SP4: variants seen among roughly 807,000 people sequenced by gnomAD.
SP4 encodes the protein Sp4 transcription factor.
Under a neutral mutation model 72.8 loss-of-function variants are expected in SP4, and 19 were observed. The ratio of observed to expected loss-of-function variants is 0.26; its 90% confidence interval spans 0.18 to 0.38. The LOEUF (loss-of-function observed/expected upper bound fraction) is 0.38, where lower values mean the gene tolerates loss of function less well. Among genes scored for constraint, SP4 ranks in the 10% least tolerant of loss-of-function variants. The pLI is 1.00. For synonymous variants in SP4, 395 were observed against 333.1 expected (o/e 1.19, Z -2.02); for missense variants, 1,008 against 926.3 (o/e 1.09, Z -1.14).
intron 3 of SP4, among the ~76,000 whole-genome samples, chr7:21,432,381 A>C (rs1385979446): frequency 6.6e-6 from 1 of 152,252 alleles, no homozygotes; most frequent in Non-Finnish European, 1.5e-5. Context: ...GACAGTTTGC[A>C]TTGTCAAAGC....
intron 3 of SP4, among the ~76,000 whole-genome samples, chr7:21,462,048 A>C (rs6974357): frequency 0.15 from 21,084 of 140,492 alleles, 2,664 homozygotes; most frequent in East Asian, 0.56. Flanking sequence ...TTTTTTTTGA[A>C]GACAGGATCT....
chr7:21,491,515 C>G (rs1298614593), intron 5 of SP4, among the ~76,000 whole-genome samples: 1 of 152,082 alleles, frequency 6.6e-6, no homozygotes, highest in Non-Finnish European at 1.5e-5. Flanking sequence ...GAAATAATGG[C>G]TGGGACTTCC....
intron 5 of SP4, among the ~76,000 whole-genome samples, chr7:21,507,837 A>G (rs62441763): frequency 0.024 from 3,678 of 151,950 alleles, 73 homozygotes; most frequent in Non-Finnish European, 0.034. Context: ...TTGCACACCC[A>G]TGGAATCACT....
chr7:21,490,074 T>TA (rs1784932695), intron 5 of SP4, among the ~76,000 whole-genome samples: 1 of 152,258 alleles, frequency 6.6e-6, no homozygotes, highest in Non-Finnish European at 1.5e-5. Flanking sequence ...TTGACTACAC[T>TA]AAAAACTCTG....
Position 21,513,433 on chromosome 7 carries a change from A to G in SP4, c.*2164A>G, listed in dbSNP as rs1011316197. ...TTATTTAATGTACTCTTAACAACTG[A>G]TGTATCTGGCTTTAAAACATCAGAA... On this transcript the variant is annotated 3_prime_UTR_variant, in exon 6 of 6. Coordinates refer to ENST00000222584, the MANE Select transcript of SP4 (RefSeq NM_003112.5). 2 of 152,580 alleles carry G rather than the reference A, an allele frequency of 1.3e-5. No individual in the cohort carries two copies. Among genetic ancestry groups the G allele is most frequent in the African/African-American group, 4.8e-5 (2 of 41,436 alleles). 9.5% of individuals were successfully genotyped at this position (152,580 alleles called of 1,614,324 possible).
At chr7:21,476,136 T>C (rs563492597) in intron 3 of SP4, among the ~76,000 whole-genome samples, 1 of 151,918 alleles carries the variant, frequency 6.6e-6, no homozygotes, top group African/African-American at 2.4e-5. Context: ...TAGCTGGGCA[T>C]GGTGGCACAC....
intron 3 of SP4, among the ~76,000 whole-genome samples, chr7:21,468,237 T>C (rs1784228125): frequency 6.6e-6 from 1 of 152,144 alleles, no homozygotes; most frequent in Non-Finnish European, 1.5e-5. Flanking sequence ...TATTCTACTA[T>C]TCTGCTTTTT....
chr7:21,449,693 C>A (rs1312499583), intron 3 of SP4, among the ~76,000 whole-genome samples: 1 of 152,126 alleles, frequency 6.6e-6, no homozygotes, highest in Non-Finnish European at 1.5e-5. Context: ...TGGTTCTGCT[C>A]TCTTTGTTTA....
chr7:21,502,218 T>G (rs1281027546), intron 5 of SP4, among the ~76,000 whole-genome samples: 3 of 152,074 alleles, frequency 2.0e-5, no homozygotes, highest in Non-Finnish European at 4.4e-5. Context: ...CGGTAACAAC[T>G]TATCATCCTT....
intron 3 of SP4, among the ~76,000 whole-genome samples, chr7:21,460,807 AGAAT>A (rs1783942809): frequency 6.6e-6 from 1 of 152,190 alleles, no homozygotes; most frequent in Non-Finnish European, 1.5e-5. Context: ...AGCTAGACAC[AGAAT>A]GCTGATTGGT....
intron 3 of SP4, among the ~76,000 whole-genome samples, chr7:21,432,919 G>C (rs1297072493): frequency 1.3e-5 from 2 of 152,122 alleles, no homozygotes; most frequent in African/African-American, 4.8e-5. Context: ...GCTTGTACCC[G>C]GGGGATCCAG....
chr7:21,458,428 C>T lies in SP4; in HGVS notation c.1679-18651C>T, dbSNP rs187329667. ...TGAACTCCTGACCTCAGGTGATCCA[C>T]CTGCCTCGGCCTCCCAAAGTGCTGG... On this transcript the variant is annotated intron_variant, in intron 3 of 5. Transcript: ENST00000222584. 3.3e-3 allele frequency among the ~76,000 whole-genome samples: 503 copies of T among 152,306 alleles called. 2 individuals carry two copies. Among genetic ancestry groups the T allele is most frequent in the Non-Finnish European group, 5.5e-3 (377 of 68,028 alleles).
At chr7:21,459,488 A>G (rs936276613) in intron 3 of SP4, among the ~76,000 whole-genome samples, 10 of 152,290 alleles carry the variant, frequency 6.6e-5, no homozygotes, top group East Asian at 1.9e-4. Context: ...AATAAATACT[A>G]TGGCAGAGGG....
At chr7:21,476,326 T>C (rs1016661671) in intron 3 of SP4, among the ~76,000 whole-genome samples, 1 of 149,396 alleles carries the variant, frequency 6.7e-6, no homozygotes, top group South Asian at 2.1e-4. Flanking sequence ...TGTTAAGCCA[T>C]GCCAATAGAT....
intron 3 of SP4, among the ~76,000 whole-genome samples, chr7:21,462,746 A>G (rs550994271): frequency 1.3e-5 from 2 of 152,318 alleles, no homozygotes; most frequent in South Asian, 4.1e-4. Flanking sequence ...TTTGGGGGCC[A>G]AAAGCAGAAA....
rs79257295 is a variant in SP4 at position 21,483,076 on chromosome 7, G to A, written c.2107+953G>A. ...AGTGGCTATTTAACTAGCAGTGATT[G>A]ATAGTTTCCACTTTGTGCTCACCAG... On this transcript the variant is annotated intron_variant, in intron 5 of 5. Transcript: ENST00000222584. Among the ~76,000 whole-genome samples the A allele has an allele frequency of 2.5e-4, 38 of 152,174 alleles. No homozygotes were observed. In the East Asian group the frequency reaches 7.2e-3, roughly 29 times the overall value.
In SP4 at chr7:21,511,369, T is replaced by A. The variant is rs1045830434; in HGVS notation, c.*100T>A. ...AAGTGGATTACAGAGTAGGAAATTA[T>A]GTTTTCATTCTTGGCTTCTTTAAGT... On this transcript the variant is annotated 3_prime_UTR_variant, in exon 6 of 6. Transcript: ENST00000222584. 13 of 1,227,402 alleles carry A rather than the reference T, an allele frequency of 1.1e-5. No individual in the cohort carries two copies. In the Admixed American group the frequency reaches 2.0e-4, roughly 19 times the overall value. 76.0% of individuals were successfully genotyped at this position (1,227,402 alleles called of 1,614,324 possible).
chr7:21,471,802 C>G (rs938180073), intron 3 of SP4, among the ~76,000 whole-genome samples: 1 of 152,164 alleles, frequency 6.6e-6, no homozygotes, highest in African/African-American at 2.4e-5. Flanking sequence ...CCGCTGTACT[C>G]TAGCCTGGGC....
intron 3 of SP4, among the ~76,000 whole-genome samples, chr7:21,472,265 T>TTTTG (rs1238693441): frequency 3.1e-4 from 44 of 140,392 alleles, no homozygotes; most frequent in Non-Finnish European, 5.1e-4. Context: ...AGAGGGTGTA[T>TTTTG]TTTGTTTGAT....
Sources: gnomAD v4.1 joint callset for allele counts (sites outside exome capture counted in the v4.1 genomes callset) on GRCh38, gnomAD v4.1.1 for gene constraint, MANE v1.5 for transcripts, NCBI Gene and HGNC (gene_info 2026-07-23, HGNC 2026-07-21) for gene names.